The following ANKRD44 variants were observed in gnomAD, a reference collection of about 807,000 sequenced individuals.
ANKRD44 encodes the protein ankyrin repeat domain 44, also known as serine/threonine-protein phosphatase 6 regulatory ankyrin repeat subunit B.
A neutral mutation model predicts 116.0 loss-of-function variants in ANKRD44; 35 were observed. That is an observed-to-expected ratio of 0.30 (90% CI 0.23 to 0.40). ANKRD44 has a LOEUF of 0.40. ANKRD44 is among the 10% of genes least tolerant of loss of function. ANKRD44 has a pLI of 1.00. For synonymous variants in ANKRD44, 435 were observed against 461.8 expected (o/e 0.94, Z 0.74); for missense variants, 1,014 against 1,242.6 (o/e 0.82, Z 2.77).
chr2:197,180,232 C>T (rs1284687124), intron 2 of ANKRD44, among the ~76,000 whole-genome samples: 1 of 152,202 alleles, frequency 6.6e-6, no homozygotes, highest in Non-Finnish European at 1.5e-5. Flanking sequence ...TGATCTCATC[C>T]ACAGTTAGCA....
At position 197,153,929 on chromosome 2, in the gene ANKRD44, T is replaced by G. The variant is rs556401653; in HGVS notation, c.112-6824A>C. On this transcript the variant is annotated intron_variant, in intron 2 of 27. Transcript: ENST00000282272. ...GGTTGTTTTTAATTCTTCAAACCAC[T>G]ATTAAAAATGGTGTTGCAGTGTACA... Among the ~76,000 whole-genome samples the G allele has an allele frequency of 5.3e-5, 8 of 152,124 alleles. No homozygotes were observed. In the South Asian group the frequency reaches 1.7e-3, roughly 32 times the overall value.
chr2:197,199,204 C>G (rs1050207942), intron 1 of ANKRD44: 18 of 144,962 alleles, frequency 1.2e-4, no homozygotes, highest in African/African-American at 4.5e-4. Context: ...ATCTTCATGT[C>G]ATGAGAAAGA....
At chr2:197,138,333 A>G (rs758142677) in intron 3 of ANKRD44, among the ~76,000 whole-genome samples, 11 of 152,238 alleles carry the variant, frequency 7.2e-5, no homozygotes, top group Non-Finnish European at 1.6e-4. Context: ...GAACTTTAAG[A>G]ACACAAAGAA....
At chr2:197,043,490 G>A (rs1054374816) in intron 16 of ANKRD44, among the ~76,000 whole-genome samples, 1 of 152,132 alleles carries the variant, frequency 6.6e-6, no homozygotes, top group Non-Finnish European at 1.5e-5. Flanking sequence ...TGACAAGCAT[G>A]AGCCACCCTG....
At chr2:197,191,335 A>C (rs556019005) in intron 1 of ANKRD44, among the ~76,000 whole-genome samples, 1 of 152,260 alleles carries the variant, frequency 6.6e-6, no homozygotes, top group East Asian at 1.9e-4. Flanking sequence ...TCTAGAGGTG[A>C]ATGTCTGCCA....
chr2:196,989,798 G>A, intron 27 of ANKRD44, 149 bp from the exon 28 acceptor site: 1 of 1,440,578 alleles, frequency 6.9e-7, no homozygotes. Context: ...CACTGACTTG[G>A]TATGACCTTG....
At chr2:196,986,219 C>G (rs760197388), downstream of ANKRD44, among the ~76,000 whole-genome samples, 66 of 152,182 alleles carry the variant, frequency 4.3e-4, no homozygotes, top group East Asian at 1.2e-3. Flanking sequence ...CCTTTATGGG[C>G]CAGCCTGGGC....
At chr2:196,992,766 T>G (rs1334587977) in intron 27 of ANKRD44, 1 of 152,688 alleles carries the variant, frequency 6.5e-6, no homozygotes, top group African/African-American at 2.4e-5. Flanking sequence ...TCAGTATGGC[T>G]GCTTACTTCT....
intron 16 of ANKRD44, among the ~76,000 whole-genome samples, chr2:197,064,876 T>C (rs12693807): frequency 0.72 from 109,542 of 152,006 alleles, 40,891 homozygotes; most frequent in East Asian, 0.86. Context: ...ACCCCACTGT[T>C]AACATTAGAC....
At chr2:197,037,292 C>T (rs1027831713) in intron 16 of ANKRD44, among the ~76,000 whole-genome samples, 1 of 152,086 alleles carries the variant, frequency 6.6e-6, no homozygotes, top group African/African-American at 2.4e-5. Context: ...TTCCAAGGTC[C>T]CTTTAGCTAT....
At chr2:197,001,894 C>A in intron 21 of ANKRD44, 54 bp from the exon 22 acceptor site, 1 of 1,366,424 alleles carries the variant, frequency 7.3e-7, no homozygotes, top group Non-Finnish European at 1.0e-6. Flanking sequence ...TTTTGTTCAA[C>A]CCAATCTGCT....
chr2:197,199,450 T>C (rs985935477), intron 1 of ANKRD44, among the ~76,000 whole-genome samples: 1 of 152,180 alleles, frequency 6.6e-6, no homozygotes, highest in African/African-American at 2.4e-5. Context: ...TCTTAGTAGG[T>C]TTCCTGTTGC....
chr2:196,998,269 A>C (rs2076050057), intron 25 of ANKRD44, 68 bp downstream of exon 25: 8 of 1,216,512 alleles, frequency 6.6e-6, no homozygotes, highest in Non-Finnish European at 9.6e-6. Context: ...CCGAGGTAGA[A>C]TTTCAGTGTT....
chr2:197,076,442 A>G (rs535548562), intron 16 of ANKRD44, among the ~76,000 whole-genome samples: 5 of 152,298 alleles, frequency 3.3e-5, no homozygotes, highest in African/African-American at 1.2e-4. Context: ...AAGAGGGAAA[A>G]TATATGAGAA....
At chr2:197,001,232 A>T (rs1201951358) in intron 22 of ANKRD44, among the ~76,000 whole-genome samples, 1 of 152,240 alleles carries the variant, frequency 6.6e-6, no homozygotes. Flanking sequence ...AGTTGAAAAC[A>T]GACTCCCAGG....
intron 16 of ANKRD44, among the ~76,000 whole-genome samples, chr2:197,057,847 G>A (rs11674298): frequency 0.72 from 108,878 of 152,146 alleles, 40,530 homozygotes; most frequent in East Asian, 0.86. Context: ...GATAGAGTCA[G>A]ACTCTGTCTC....
intron 1 of ANKRD44, among the ~76,000 whole-genome samples, chr2:197,235,853 T>C (rs1015224607): frequency 1.3e-5 from 2 of 152,170 alleles, no homozygotes; most frequent in East Asian, 1.9e-4. Flanking sequence ...GAATTCTCAG[T>C]AGCAGTAAAT....
intron 9 of ANKRD44, among the ~76,000 whole-genome samples, chr2:197,100,944 C>A (rs1346573965): frequency 6.6e-6 from 1 of 152,032 alleles, no homozygotes; most frequent in African/African-American, 2.4e-5. Context: ...ATCTGAGGAA[C>A]CATTTAAAAA....
In ANKRD44 at chr2:197,049,936, T is replaced by C. The variant is rs186584839; in HGVS notation, c.1651-24669A>G. On this transcript the variant is annotated intron_variant, in intron 16 of 27. Transcript: ENST00000282272. ...CTTGGCCAAGACACCCCTTGGCCAC[T>C]GTATTAGTCCATTCTCACACTGCTA... Among the ~76,000 whole-genome samples, 82 of 152,334 alleles carry C rather than the reference T, an allele frequency of 5.4e-4. 1 individual carries two copies. The Middle Eastern group carries it at 0.017, about 32-fold the overall frequency.
Sources: gnomAD v4.1 joint callset for allele counts (sites outside exome capture counted in the v4.1 genomes callset) on GRCh38, gnomAD v4.1.1 for gene constraint, MANE v1.5 for transcripts, NCBI Gene and HGNC (gene_info 2026-07-23, HGNC 2026-07-21) for gene names.